ZNF473: variants seen among roughly 807,000 people sequenced by gnomAD.
ZNF473 encodes zinc finger protein 100 homolog.
A neutral mutation model predicts 11.1 loss-of-function variants in ZNF473; 4 were observed. The observed-to-expected ratio is 0.36, with a 90% CI of 0.18 to 0.82. ZNF473 has a LOEUF of 0.82. Ranked by LOEUF, ZNF473 falls within the 40% of genes least tolerant of loss-of-function variation. The probability of loss-of-function intolerance (pLI) is 0.49; values close to 1 mark genes in which losing one functional copy is unlikely to be tolerated. For synonymous variants in ZNF473, 404 were observed against 390.4 expected, an observed-to-expected ratio of 1.03 and a Z score of -0.41; for missense variants, 854 against 1,084.0, an observed-to-expected ratio of 0.79 and a Z score of 2.98.
chr19:50,041,636 C>G, intron 3 of ZNF473, 94 bp from the exon 4 acceptor site: 1 of 1,102,140 alleles, frequency 9.1e-7, no homozygotes, highest in South Asian at 1.5e-5. Flanking sequence ...CAGGATAAAG[C>G]ATAGAAAAGT....
At chr19:50,027,159 TAGGC>T (rs1374650040) in intron 1 of ZNF473, among the ~76,000 whole-genome samples, 2 of 152,264 alleles carry the variant, frequency 1.3e-5, no homozygotes, top group East Asian at 3.9e-4. Flanking sequence ...ATTTTATAAT[TAGGC>T]AGCACCCCCC....
At position 50,047,129 on chromosome 19, in the gene ZNF473, A is replaced by G; in HGVS notation, c.*70A>G. ...GATGTTGAAAGTTGGAAACTATCCC[A>G]TTGCAAGTTTCTCTCCAAATAAATG... On this transcript the variant is annotated 3_prime_UTR_variant, in exon 5 of 5. Transcript: ENST00000270617. 3.8e-6 allele frequency: 5 copies of G among 1,301,460 alleles called. No individual in the cohort carries two copies. Among genetic ancestry groups the G allele is most frequent in the Non-Finnish European group, 5.3e-6 (5 of 948,700 alleles). 80.6% of individuals were successfully genotyped at this position (1,301,460 alleles called of 1,614,324 possible). A position where few individuals can be genotyped will look rare whatever the true frequency, so the allele number is the denominator to read the frequency against.
chr19:50,034,433 T>A (rs1480985706), intron 2 of ZNF473, among the ~76,000 whole-genome samples: 1 of 152,212 alleles, frequency 6.6e-6, no homozygotes, highest in East Asian at 1.9e-4. Flanking sequence ...AAATCACAGG[T>A]GCAGAAATGC....
intron 2 of ZNF473, among the ~76,000 whole-genome samples, chr19:50,035,452 C>CATGTGT (rs147048927): frequency 7.2e-6 from 1 of 138,394 alleles, no homozygotes; most frequent in African/African-American, 2.7e-5. Flanking sequence ...TTCTTTCATA[C>CATGTGT]GTGTGTGTGT....
chr19:50,031,167 G>A (rs1194792512), intron 2 of ZNF473, 76 bp downstream of exon 2: 7 of 1,541,380 alleles, frequency 4.5e-6, no homozygotes, highest in South Asian at 2.4e-5. Context: ...TGGCCGAGGC[G>A]AGTTGAAGGT....
In ZNF473 at chr19:50,046,494, C is replaced by T. The variant is rs745815389; in HGVS notation, c.2051C>T (p.Thr684Ile). ...FKCSKCDRVF[T>I]QRNYLVQHER... is the part of the protein sequence containing the mutation. Reference sequence around the variant, plus strand: ...TGTAGTAAGTGTGACAGAGTCTTCACCCAGAGAAACTACCTTGTTCAGCAT... The same window carrying T: ...TGTAGTAAGTGTGACAGAGTCTTCATCCAGAGAAACTACCTTGTTCAGCAT... Residue 684 changes from threonine to isoleucine, a missense_variant, in exon 5 of 5, where the codon ACC (threonine) becomes ATC (isoleucine). By Grantham distance (89) the Thr-to-Ile change is moderately conservative. Around this residue, in one of 2 missense-constraint regions of ZNF473, gnomAD observed 186 missense variants for 293.8 expected, o/e 0.63. Coordinates refer to ENST00000270617, the MANE Select transcript of ZNF473 (RefSeq NM_015428.4). The surrounding 1 kb of genome is among the most constrained non-coding windows in gnomAD (Gnocchi z 5.9). 8 of 1,614,218 alleles carry T rather than the reference C, an allele frequency of 5.0e-6. No homozygotes were observed. The highest frequency in any genetic ancestry group is 5.9e-6 in the Non-Finnish European group (7 of 1,180,038).
At chr19:50,037,778 T>G (rs1338296467) in intron 2 of ZNF473, among the ~76,000 whole-genome samples, 1 of 151,804 alleles carries the variant, frequency 6.6e-6, no homozygotes, top group Non-Finnish European at 1.5e-5. Context: ...GGCACTGCAC[T>G]CCAGCCTGGG....
At chr19:50,034,461 G>T (rs1400855698) in intron 2 of ZNF473, among the ~76,000 whole-genome samples, 2 of 152,068 alleles carry the variant, frequency 1.3e-5, no homozygotes, top group African/African-American at 2.4e-5. Flanking sequence ...TCAAATGCAT[G>T]ACCTAATGAA....
At position 50,045,783 on chromosome 19, in the gene ZNF473, A is replaced by G. The variant is rs200553519; in HGVS notation, c.1340A>G (p.Asn447Ser). The change falls in exon 5 of 5, where the codon AAT becomes AGT. Residue 447 changes from asparagine to serine, a missense_variant. Coordinates refer to ENST00000270617, the MANE Select transcript of ZNF473 (RefSeq NM_015428.4). ...GCCTTCCACCGGCACACTCACCTTAATGAACATCGGCGAATTCATACAGGC... is the reference window on the plus strand; with the variant it reads ...GCCTTCCACCGGCACACTCACCTTAGTGAACATCGGCGAATTCATACAGGC... ...GKAFHRHTHLNEHRRIHTGYR... is the reference protein window; with the variant it reads ...GKAFHRHTHLSEHRRIHTGYR... The G allele has an allele frequency of 2.5e-6, 4 of 1,614,138 alleles. No homozygotes were observed. The highest frequency in any genetic ancestry group is 2.7e-5 in the African/African-American group (2 of 75,026).
Position 50,039,043 on chromosome 19 carries a change from G to C in ZNF473, c.10-118G>C. The C allele has an allele frequency of 2.3e-6, 3 of 1,295,198 alleles. No individual in the cohort carries two copies. The highest frequency in any genetic ancestry group is 3.3e-6 in the Non-Finnish European group (3 of 918,740). 80.2% of individuals were successfully genotyped at this position (1,295,198 alleles called of 1,614,324 possible). Reference sequence around the variant, plus strand: ...CATCTCAAGATTCTTGTGAGGCTGAGGATGGGATGGTTTTTGCCAAAGCCC... The same window carrying C: ...CATCTCAAGATTCTTGTGAGGCTGACGATGGGATGGTTTTTGCCAAAGCCC... On this transcript the variant is annotated intron_variant, in intron 2 of 4. Coordinates refer to ENST00000270617, the MANE Select transcript of ZNF473 (RefSeq NM_015428.4). The surrounding 1 kb of genome is among the most constrained non-coding windows in gnomAD (Gnocchi z 4.8).
At chr19:50,035,507 G>C (rs1978376975) in intron 2 of ZNF473, among the ~76,000 whole-genome samples, 1 of 144,960 alleles carries the variant, frequency 6.9e-6, no homozygotes, top group Non-Finnish European at 1.5e-5. Flanking sequence ...GTTCTTAAGA[G>C]TTTTACAAAG....
chr19:50,037,753 G>A (rs1173724890), intron 2 of ZNF473, among the ~76,000 whole-genome samples: 1 of 151,828 alleles, frequency 6.6e-6, no homozygotes, highest in African/African-American at 2.4e-5. Context: ...CCCAGGAGGT[G>A]GAGGCTATGA....
intron 2 of ZNF473, among the ~76,000 whole-genome samples, chr19:50,038,082 C>T (rs1241415657): frequency 6.8e-6 from 1 of 147,898 alleles, no homozygotes; most frequent in Non-Finnish European, 1.5e-5. Flanking sequence ...TCACAGCTCA[C>T]TGTAGCCTCG....
chr19:50,042,595 A>G (rs1011044734), intron 4 of ZNF473: 4 of 152,402 alleles, frequency 2.6e-5, no homozygotes, highest in East Asian at 1.9e-4. Context: ...TCACCTCAGC[A>G]TATTGGCTGT....
intron 4 of ZNF473, chr19:50,042,772 T>C (rs952719435): frequency 6.6e-6 from 1 of 152,222 alleles, no homozygotes. Flanking sequence ...GCTCCTGACA[T>C]CATGCTTGGC....
chr19:50,026,424 G>C (rs950681115), intron 1 of ZNF473, among the ~76,000 whole-genome samples: 1 of 152,030 alleles, frequency 6.6e-6, no homozygotes, highest in East Asian at 1.9e-4. Flanking sequence ...GGTGGCGGGG[G>C]CCTGTAATCC....
At chr19:50,033,565 T>G (rs2077328883) in intron 2 of ZNF473, among the ~76,000 whole-genome samples, 1 of 152,188 alleles carries the variant, frequency 6.6e-6, no homozygotes. Flanking sequence ...GACGACTGTT[T>G]CAGGGTCTTA....
chr19:50,040,170 A>T (rs757925862), intron 3 of ZNF473, among the ~76,000 whole-genome samples: 17 of 152,210 alleles, frequency 1.1e-4, no homozygotes, highest in Non-Finnish European at 2.4e-4. Flanking sequence ...CAGTGAAAAG[A>T]TTCAGAGCAC....
chr19:50,041,611 C>A, intron 3 of ZNF473, 119 bp from the exon 4 acceptor site: 1 of 844,410 alleles, frequency 1.2e-6, no homozygotes, highest in Non-Finnish European at 1.8e-6. Flanking sequence ...CTCGTCCACA[C>A]ACAGGAGCCA....
Sources: gnomAD v4.1 joint callset for allele counts (sites outside exome capture counted in the v4.1 genomes callset) on GRCh38, gnomAD v4.1.1 for gene constraint, gnomAD v4.1.1 regional missense constraint, Gnocchi (gnomAD v3.1) non-coding constraint, MANE v1.5 for transcripts, NCBI Gene and HGNC (gene_info 2026-07-23, HGNC 2026-07-21) for gene names.